TSHZ2: variants seen among roughly 807,000 people sequenced by gnomAD.
TSHZ2 encodes teashirt zinc finger homeobox 2.
In TSHZ2, 21 loss-of-function variants were observed where a neutral mutation model predicts 74.4. The ratio of observed to expected loss-of-function variants is 0.28; its 90% CI spans 0.20 to 0.41. TSHZ2 has a LOEUF of 0.41. Among genes scored for constraint, TSHZ2 ranks in the 10% least tolerant of loss-of-function variants. TSHZ2 has a pLI of 1.00. For missense variants in TSHZ2, 1,244 were observed against 1,293.5 expected, an observed-to-expected ratio of 0.96 and a Z score of 0.59; for synonymous variants, 540 against 515.3, an observed-to-expected ratio of 1.05 and a Z score of -0.65.
At chr20:53,385,046 G>A (rs891028783) in intron 2 of TSHZ2, among the ~76,000 whole-genome samples, 5 of 152,080 alleles carry the variant, frequency 3.3e-5, no homozygotes, top group Non-Finnish European at 5.9e-5. Flanking sequence ...GCGTGAACCC[G>A]GGAGGCGGAG....
At chr20:53,109,432 G>T (rs1986469991) in intron 1 of TSHZ2, among the ~76,000 whole-genome samples, 1 of 151,892 alleles carries the variant, frequency 6.6e-6, no homozygotes, top group South Asian at 2.1e-4. Context: ...CAACCTCTTT[G>T]GAAGAGTCCT....
At chr20:52,994,586 C>T (rs1010760096) in intron 1 of TSHZ2, among the ~76,000 whole-genome samples, 2 of 152,152 alleles carry the variant, frequency 1.3e-5, no homozygotes, top group African/African-American at 4.8e-5. Context: ...CACAGGTGGG[C>T]CCTGACATTT....
rs184605733 is a variant in TSHZ2, at chr20:53,479,327, C to G, written c.*9-7817C>G. 2.3e-3 allele frequency among the ~76,000 whole-genome samples: 355 copies of G among 152,272 alleles called. 1 individual carries two copies. Among genetic ancestry groups the G allele is most frequent in the African/African-American group, 8.0e-3 (333 of 41,556 alleles). On this transcript the variant is annotated intron_variant, in intron 2 of 2. Coordinates refer to ENST00000371497, the MANE Select transcript of TSHZ2 (RefSeq NM_173485.6). ...TGGGCCCTGTATTCTGCATTTCTGACAAGCTCTAGGTGATCCCAGTACTGC... is the reference window on the plus strand; with the variant it reads ...TGGGCCCTGTATTCTGCATTTCTGAGAAGCTCTAGGTGATCCCAGTACTGC...
At position 53,489,261 on chromosome 20, in the gene TSHZ2, A is replaced by G. The variant is rs1986382434; in HGVS notation, c.*2126A>G. ...GAGGATCATAAAGTGAATTGAGAAC[A>G]GTGAGGTCTGTCTTTGCTTAACCTA... On this transcript the variant is annotated 3_prime_UTR_variant, in exon 3 of 3. Transcript: ENST00000371497. 2 of 448,388 alleles carry G rather than the reference A, an allele frequency of 4.5e-6. No individual in the cohort carries two copies. The highest frequency in any genetic ancestry group is 2.4e-5 in the Admixed American group (1 of 42,012). 27.8% of individuals were successfully genotyped at this position (448,388 alleles called of 1,614,324 possible). A position where few individuals can be genotyped will look rare whatever the true frequency, so the allele number is the denominator to read the frequency against.
intron 2 of TSHZ2, among the ~76,000 whole-genome samples, chr20:53,472,124 C>A (rs1050943457): frequency 4.6e-5 from 7 of 152,110 alleles, no homozygotes; most frequent in African/African-American, 1.7e-4. Context: ...AGATTCTAAG[C>A]TGGAATGAGG....
chr20:53,454,539 G>A (rs1398875930), intron 2 of TSHZ2, among the ~76,000 whole-genome samples: 1 of 151,390 alleles, frequency 6.6e-6, no homozygotes, highest in African/African-American at 2.4e-5. Context: ...TCCAGCCTGG[G>A]TGACAGAGTG....
chr20:53,317,765 C>T (rs764315636), intron 2 of TSHZ2, among the ~76,000 whole-genome samples: 24 of 152,214 alleles, frequency 1.6e-4, no homozygotes, highest in Non-Finnish European at 3.1e-4. Context: ...ATTCAAAGGA[C>T]ATTGCCGATC....
chr20:53,403,266 G>A (rs1419212929), intron 2 of TSHZ2, among the ~76,000 whole-genome samples: 1 of 152,052 alleles, frequency 6.6e-6, no homozygotes, highest in Admixed American at 6.6e-5. Flanking sequence ...GTATTCCATG[G>A]TGTAAAATAA....
intron 2 of TSHZ2, among the ~76,000 whole-genome samples, chr20:53,390,266 C>T (rs936997238): frequency 5.9e-5 from 9 of 152,072 alleles, no homozygotes; most frequent in East Asian, 1.9e-4. Flanking sequence ...ATTTGGAAGC[C>T]GTGAGATTTA....
intron 2 of TSHZ2, among the ~76,000 whole-genome samples, chr20:53,355,614 A>G (rs1278532626): frequency 6.6e-6 from 1 of 152,244 alleles, no homozygotes; most frequent in Non-Finnish European, 1.5e-5. Context: ...GTGGGAATGA[A>G]GAGTGACTGC....
At chr20:53,370,503 G>A (rs1238745338) in intron 2 of TSHZ2, among the ~76,000 whole-genome samples, 1 of 152,220 alleles carries the variant, frequency 6.6e-6, no homozygotes, top group Admixed American at 6.5e-5. Context: ...GCTCACACCT[G>A]TGATCCCAGC....
intron 2 of TSHZ2, among the ~76,000 whole-genome samples, chr20:53,365,345 G>T (rs574477245): frequency 3.2e-4 from 48 of 152,250 alleles, no homozygotes; most frequent in African/African-American, 1.0e-3. Flanking sequence ...TCCCAGCTTG[G>T]GGGGGTCGGG....
intron 2 of TSHZ2, among the ~76,000 whole-genome samples, chr20:53,406,250 A>C (rs960091620): frequency 1.3e-5 from 2 of 152,210 alleles, no homozygotes; most frequent in African/African-American, 4.8e-5. Context: ...AGGATCACAA[A>C]GATGGCGGTA....
intron 2 of TSHZ2, among the ~76,000 whole-genome samples, chr20:53,347,562 A>G (rs1320303839): frequency 1.3e-5 from 2 of 152,122 alleles, no homozygotes; most frequent in African/African-American, 4.8e-5. Flanking sequence ...TTAAATATTG[A>G]TTTATTTATT....
At chr20:53,477,896 C>G (rs537790733) in intron 2 of TSHZ2, among the ~76,000 whole-genome samples, 1 of 151,426 alleles carries the variant, frequency 6.6e-6, no homozygotes, top group East Asian at 1.9e-4. Flanking sequence ...ATGCAGCCAA[C>G]AGACACCTGA....
chr20:53,099,950 T>G lies in TSHZ2; in HGVS notation c.40+126617T>G, dbSNP rs542426119. 2.0e-5 allele frequency among the ~76,000 whole-genome samples: 3 copies of G among 152,298 alleles called. No homozygotes were observed. The South Asian group carries it at 6.2e-4, about 32-fold the overall frequency. ...CCTGGTCCTATCATGATAATGGGGATCTGTCTGCAGCAGCAGTGAAGGGGG... is the reference window on the plus strand; with the variant it reads ...CCTGGTCCTATCATGATAATGGGGAGCTGTCTGCAGCAGCAGTGAAGGGGG... On this transcript the variant is annotated intron_variant, in intron 1 of 2. Transcript: ENST00000371497.
At chr20:53,016,995 A>G (rs1221051929) in intron 1 of TSHZ2, among the ~76,000 whole-genome samples, 1 of 152,160 alleles carries the variant, frequency 6.6e-6, no homozygotes, top group Non-Finnish European at 1.5e-5. Flanking sequence ...CTTGGAGGAG[A>G]AGGAGAATGG....
chr20:53,085,547 T>G (rs1985673314), intron 1 of TSHZ2, among the ~76,000 whole-genome samples: 1 of 152,214 alleles, frequency 6.6e-6, no homozygotes, highest in Middle Eastern at 3.2e-3. Flanking sequence ...AGGTGTTCAA[T>G]GCTGTTATTT....
At chr20:53,032,806 T>G (rs1362190829) in intron 1 of TSHZ2, among the ~76,000 whole-genome samples, 2 of 152,120 alleles carry the variant, frequency 1.3e-5, no homozygotes, top group African/African-American at 2.4e-5. Context: ...ATTCAGAGCA[T>G]GAGTGTGGGA....
Sources: gnomAD v4.1 joint callset for allele counts (sites outside exome capture counted in the v4.1 genomes callset) on GRCh38, gnomAD v4.1.1 for gene constraint, MANE v1.5 for transcripts, NCBI Gene and HGNC (gene_info 2026-07-23, HGNC 2026-07-21) for gene names.